TENM2: variants seen among roughly 807,000 people sequenced by gnomAD.
TENM2 encodes teneurin transmembrane protein 2.
Under a neutral mutation model 245.2 loss-of-function variants are expected in TENM2, and 52 were observed. That is an observed-to-expected ratio of 0.21 (90% confidence interval 0.17 to 0.27). The LOEUF is 0.27. Ranked by LOEUF, TENM2 falls within the 10% of genes least tolerant of loss-of-function variation. The probability of loss-of-function intolerance (pLI) is 1.00; values close to 1 mark genes in which losing one functional copy is unlikely to be tolerated. For synonymous variants in TENM2, 1,363 were observed against 1,438.9 expected (o/e 0.95, Z 1.19); for missense variants, 3,046 against 3,666.8 (o/e 0.83, Z 4.37).
chr5:167,615,551 G>T (rs915758602), intron 2 of TENM2, among the ~76,000 whole-genome samples: 1 of 152,128 alleles, frequency 6.6e-6, no homozygotes, highest in African/African-American at 2.4e-5. Flanking sequence ...TGTAATTTCA[G>T]AATATGATAA....
intron 2 of TENM2, among the ~76,000 whole-genome samples, chr5:167,390,935 C>G (rs531573147): frequency 4.6e-5 from 7 of 152,270 alleles, no homozygotes; most frequent in African/African-American, 1.7e-4. Flanking sequence ...AGCCCTTGCT[C>G]CCACTTCTCT....
chr5:167,462,662 C>T (rs1296435067), intron 2 of TENM2, among the ~76,000 whole-genome samples: 1 of 151,994 alleles, frequency 6.6e-6, no homozygotes, highest in Non-Finnish European at 1.5e-5. Context: ...AAAGTTCAGA[C>T]ATTCCTTCTC....
chr5:167,226,236 G>T, the TENM2 span, among the ~76,000 whole-genome samples: 5 of 151,402 alleles, frequency 3.3e-5, no homozygotes, highest in African/African-American at 1.2e-4. Context: ...TCCTTGAGGT[G>T]CATTGTTACA....
At chr5:167,365,291 AATATT>A (rs1387756408) in intron 1 of TENM2, among the ~76,000 whole-genome samples, 1 of 152,004 alleles carries the variant, frequency 6.6e-6, no homozygotes, top group African/African-American at 2.4e-5. Flanking sequence ...TAAAGAGGAA[AATATT>A]ATAGGTTTGC....
chr5:167,555,065 C>T (rs1773181105), intron 2 of TENM2, among the ~76,000 whole-genome samples: 1 of 152,242 alleles, frequency 6.6e-6, no homozygotes, highest in African/African-American at 2.4e-5. Flanking sequence ...TCCTTTCTGC[C>T]GCAGCACACA....
intron 2 of TENM2, among the ~76,000 whole-genome samples, chr5:167,407,055 G>C (rs534177376): frequency 1.3e-5 from 2 of 152,222 alleles, no homozygotes; most frequent in East Asian, 3.9e-4. Context: ...AATGCAAACA[G>C]GAAAACAAAA....
the TENM2 span, among the ~76,000 whole-genome samples, chr5:167,208,567 AT>A: frequency 6.6e-6 from 1 of 152,346 alleles, no homozygotes; most frequent in South Asian, 2.1e-4. Context: ...TTATCTTAGT[AT>A]TTAGATTGTA....
chr5:168,126,069 A>G (rs1795827705), intron 11 of TENM2, among the ~76,000 whole-genome samples: 1 of 152,200 alleles, frequency 6.6e-6, no homozygotes. Context: ...CAGAGAGTGC[A>G]TATCTGTCTG....
chr5:167,722,718 A>G, intron 2 of TENM2, among the ~76,000 whole-genome samples: 1 of 152,112 alleles, frequency 6.6e-6, no homozygotes, highest in East Asian at 1.9e-4. Context: ...AGGAGACTGC[A>G]GTGAGCCGAG....
At chr5:168,052,047 G>C (rs780449573) in intron 6 of TENM2, among the ~76,000 whole-genome samples, 1 of 151,762 alleles carries the variant, frequency 6.6e-6, no homozygotes, top group Admixed American at 6.6e-5. Flanking sequence ...ATCACTTAAG[G>C]CCAGGAGGTC....
intron 5 of TENM2, among the ~76,000 whole-genome samples, chr5:167,995,624 C>A (rs1783997658): frequency 6.6e-6 from 1 of 152,184 alleles, no homozygotes; most frequent in Non-Finnish European, 1.5e-5. Context: ...CCCAGTTATT[C>A]CTTTCTCCTT....
At chr5:167,604,903 G>A (rs1776918913) in intron 2 of TENM2, among the ~76,000 whole-genome samples, 1 of 152,122 alleles carries the variant, frequency 6.6e-6, no homozygotes, top group Admixed American at 6.5e-5. Context: ...GATTCTACTT[G>A]GACAGATTAA....
At chr5:168,037,296 G>A (rs1231543661) in intron 5 of TENM2, among the ~76,000 whole-genome samples, 2 of 152,144 alleles carry the variant, frequency 1.3e-5, no homozygotes, top group Non-Finnish European at 2.9e-5. Flanking sequence ...AAATTGGAAT[G>A]AGAATTACAT....
At chr5:167,597,317 A>G (rs1183120545) in intron 2 of TENM2, among the ~76,000 whole-genome samples, 1 of 151,862 alleles carries the variant, frequency 6.6e-6, no homozygotes, top group Non-Finnish European at 1.5e-5. Context: ...AGGCATGCAC[A>G]ACCACGCCTG....
intron 4 of TENM2, among the ~76,000 whole-genome samples, chr5:167,984,311 T>C (rs1203231129): frequency 6.6e-6 from 1 of 152,344 alleles, no homozygotes; most frequent in South Asian, 2.1e-4. Context: ...AAACATCAGA[T>C]GTTTACCAGT....
At chr5:167,981,096 G>A (rs1782803524) in intron 4 of TENM2, among the ~76,000 whole-genome samples, 1 of 152,152 alleles carries the variant, frequency 6.6e-6, no homozygotes, top group Non-Finnish European at 1.5e-5. Context: ...GGATATGAAG[G>A]CCCAGCCTCC....
chr5:168,237,079 A>G (rs1286547066), intron 25 of TENM2, among the ~76,000 whole-genome samples: 1 of 123,754 alleles, frequency 8.1e-6, no homozygotes, highest in Non-Finnish European at 1.6e-5. Flanking sequence ...GCAGTGGCAC[A>G]ATCTCGGATC....
intron 2 of TENM2, among the ~76,000 whole-genome samples, chr5:167,488,866 T>C (rs1768251607): frequency 6.6e-6 from 1 of 152,208 alleles, no homozygotes; most frequent in African/African-American, 2.4e-5. Flanking sequence ...GTCCTAGCTA[T>C]AGCCTTCCCA....
chr5:167,609,629 A>G (rs952791668), intron 2 of TENM2, among the ~76,000 whole-genome samples: 1 of 151,784 alleles, frequency 6.6e-6, no homozygotes, highest in African/African-American at 2.4e-5. Flanking sequence ...TCATGGTTTG[A>G]GGGAGTGAAC....
Sources: allele counts gnomAD v4.1 joint callset (sites outside exome capture counted in the v4.1 genomes callset), GRCh38; gene constraint gnomAD v4.1.1; transcripts MANE v1.5; gene names NCBI Gene and HGNC (gene_info 2026-07-23, HGNC 2026-07-21).